Variants in NFATC1 observed in about 807,000 individuals in gnomAD.
NFATC1 encodes the protein nuclear factor of activated T-cells, cytoplasmic 1.
NFATC1 carries 22 observed loss-of-function variants against 76.0 expected under a neutral mutation model. That is an observed-to-expected ratio of 0.29 (90% CI 0.21 to 0.41). The LOEUF (loss-of-function observed/expected upper bound fraction) is 0.41. Ranked by LOEUF, NFATC1 falls within the 10% of genes least tolerant of loss-of-function variation. The pLI is 1.00. For synonymous variants in NFATC1, 704 were observed against 613.1 expected (o/e 1.15, Z -2.19); for missense variants, 1,357 against 1,337.7 (o/e 1.01, Z -0.23).
intron 3 of NFATC1, among the ~76,000 whole-genome samples, chr18:79,438,640 G>C (rs1262674483): frequency 6.6e-6 from 1 of 152,218 alleles, no homozygotes; most frequent in African/African-American, 2.4e-5. Context: ...AATATTGTCA[G>C]TTAGGAGAAG....
At chr18:79,489,726 G>A (rs779635823) in intron 9 of NFATC1, among the ~76,000 whole-genome samples, 4 of 152,162 alleles carry the variant, frequency 2.6e-5, no homozygotes, top group Non-Finnish European at 4.4e-5. Context: ...TCTCGTCCAC[G>A]TACGCTTCGT....
intron 9 of NFATC1, among the ~76,000 whole-genome samples, chr18:79,502,012 A>G (rs921745836): frequency 6.6e-6 from 1 of 152,208 alleles, no homozygotes; most frequent in African/African-American, 2.4e-5. Context: ...AAATGATCCT[A>G]AAATCTACAT....
Position 79,509,818 on chromosome 18 carries a change from T to C in NFATC1, c.2783-17710T>C, listed in dbSNP as rs116350265. 4.1e-3 allele frequency among the ~76,000 whole-genome samples: 619 copies of C among 152,312 alleles called. 6 individuals carry two copies. The highest frequency in any genetic ancestry group is 0.013 in the African/African-American group (546 of 41,570). ...CTCCAATCCCAGCTTCTGCTCCTGC[T>C]CAGAAAGCCCTCCCACTTTCTCTGG... On this transcript the variant is annotated intron_variant, in intron 9 of 9. Coordinates refer to ENST00000427363, the MANE Select transcript of NFATC1 (RefSeq NM_001278669.2).
intron 9 of NFATC1, among the ~76,000 whole-genome samples, chr18:79,521,621 T>G (rs111211780): frequency 0.47 from 333 of 712 alleles, 62 homozygotes; most frequent in East Asian, 0.73. Flanking sequence ...TCTGTGTGTG[T>G]GGGGGGGGGG....
intron 9 of NFATC1, among the ~76,000 whole-genome samples, chr18:79,513,420 C>T (rs2090307084): frequency 6.6e-6 from 1 of 152,240 alleles, no homozygotes; most frequent in Admixed American, 6.5e-5. Flanking sequence ...CCCACCTTCC[C>T]AGATACCCGC....
At chr18:79,478,644 G>A (rs1307097816) in intron 8 of NFATC1, among the ~76,000 whole-genome samples, 2 of 152,232 alleles carry the variant, frequency 1.3e-5, no homozygotes, top group Non-Finnish European at 1.5e-5. Flanking sequence ...GCCGTGGCGG[G>A]GGCTTTGGGA....
chr18:79,453,981 A>G (rs2087583467), intron 6 of NFATC1, among the ~76,000 whole-genome samples: 1 of 152,236 alleles, frequency 6.6e-6, no homozygotes, highest in Non-Finnish European at 1.5e-5. Flanking sequence ...CATCCTGGCA[A>G]CGAGAGAAAC....
At chr18:79,522,231 T>G (rs1601010062) in intron 9 of NFATC1, among the ~76,000 whole-genome samples, 28 of 35,058 alleles carry the variant, frequency 8.0e-4, no homozygotes, top group Non-Finnish European at 1.1e-3. Context: ...TGTCTGGGTG[T>G]AGGGGGGGTG....
chr18:79,411,673 T>G (rs1288682149), intron 2 of NFATC1, among the ~76,000 whole-genome samples, 172 bp downstream of exon 2: 1 of 152,152 alleles, frequency 6.6e-6, no homozygotes, highest in African/African-American at 2.4e-5. Flanking sequence ...TCTGTCCCCA[T>G]GTCTGCCTCC....
At chr18:79,520,170 T>TC (rs2090480786) in intron 9 of NFATC1, among the ~76,000 whole-genome samples, 1 of 144,818 alleles carries the variant, frequency 6.9e-6, no homozygotes, top group South Asian at 2.1e-4. Flanking sequence ...GACAGCCTTC[T>TC]CGAAGCCCCT....
At chr18:79,513,635 G>A (rs979437096) in intron 9 of NFATC1, among the ~76,000 whole-genome samples, 2 of 152,254 alleles carry the variant, frequency 1.3e-5, no homozygotes, top group Non-Finnish European at 2.9e-5. Context: ...TCTTCAAGGC[G>A]AGTGTCCCTG....
At chr18:79,501,602 A>ACCCCCCCCCCCCCCCCCCCCCCCC (rs2090016109) in intron 9 of NFATC1, among the ~76,000 whole-genome samples, 1 of 114,718 alleles carries the variant, frequency 8.7e-6, no homozygotes, top group Admixed American at 9.0e-5. Context: ...ATCTGCCTAC[A>ACCCCCCCCCCCCCCCCCCCCCCCC]CCCCACCCCC....
At chr18:79,449,373 G>A (rs938044289) in intron 4 of NFATC1, among the ~76,000 whole-genome samples, 4 of 152,194 alleles carry the variant, frequency 2.6e-5, no homozygotes, top group African/African-American at 7.2e-5. Flanking sequence ...CCGACAACAC[G>A]GATAGGCCTG....
chr18:79,442,768 T>C (rs979763956), intron 3 of NFATC1, among the ~76,000 whole-genome samples: 2 of 152,144 alleles, frequency 1.3e-5, no homozygotes, highest in Admixed American at 6.5e-5. Context: ...GGTTGGTGTC[T>C]GGGGGAGGTC....
intron 1 of NFATC1, among the ~76,000 whole-genome samples, chr18:79,406,979 G>T (rs1447125942): frequency 6.6e-6 from 1 of 152,224 alleles, no homozygotes; most frequent in Non-Finnish European, 1.5e-5. Flanking sequence ...TTGTCCAGCG[G>T]GTCTGATGCA....
intron 3 of NFATC1, among the ~76,000 whole-genome samples, chr18:79,446,376 G>GC (rs886871427): frequency 1.3e-5 from 2 of 152,128 alleles, no homozygotes; most frequent in Non-Finnish European, 2.9e-5. Context: ...CCCTGGAGCT[G>GC]CCCCGGTGCC....
At chr18:79,509,236 C>G (rs1237771154) in intron 9 of NFATC1, among the ~76,000 whole-genome samples, 1 of 152,244 alleles carries the variant, frequency 6.6e-6, no homozygotes, top group African/African-American at 2.4e-5. Context: ...CTGCACCTGT[C>G]TCTAGCTGCC....
chr18:79,400,449 C>T lies in NFATC1; in HGVS notation c.127+4098C>T, dbSNP rs1281723767. The T allele has an allele frequency of 3.4e-6, 5 of 1,491,110 alleles. No homozygotes were observed. Among genetic ancestry groups the T allele is most frequent in the Non-Finnish European group, 4.5e-6 (5 of 1,120,204 alleles). The allele number at this position is 1,491,110 out of a possible 1,614,324, so 92.4% of individuals were successfully genotyped here. Reference sequence around the variant, plus strand: ...CGAGTTCCTCTTCGAGTTTAACCAGCGCGACGAGGGCGCCGCCGCGGCCGC... The same window carrying T: ...CGAGTTCCTCTTCGAGTTTAACCAGTGCGACGAGGGCGCCGCCGCGGCCGC... On this transcript the variant is annotated intron_variant, in intron 1 of 9. Coordinates refer to ENST00000427363, the MANE Select transcript of NFATC1 (RefSeq NM_001278669.2).
rs79447992 is a variant in NFATC1 at position 79,490,925 on chromosome 18, C to T, written c.2782+3988C>T. On this transcript the variant is annotated intron_variant, in intron 9 of 9. Coordinates refer to ENST00000427363, the MANE Select transcript of NFATC1 (RefSeq NM_001278669.2). ...CCTGGGTTATGTCGGGAAAGCCTCA[C>T]GCAGGCTGAAGACCTGAATTGTAAG... 2.0e-4 allele frequency among the ~76,000 whole-genome samples: 31 copies of T among 152,192 alleles called. No individual in the cohort carries two copies. The East Asian group carries it at 3.1e-3, about 15-fold the overall frequency.
Sources: allele counts gnomAD v4.1 joint callset (sites outside exome capture counted in the v4.1 genomes callset), GRCh38; gene constraint gnomAD v4.1.1; transcripts MANE v1.5; gene names NCBI Gene and HGNC (gene_info 2026-07-23, HGNC 2026-07-21).